PCDH7: variants seen among roughly 807,000 people sequenced by gnomAD.
PCDH7 encodes protocadherin 7, also known as protocadherin-7.
PCDH7 carries 17 observed loss-of-function variants against 58.9 expected under a neutral mutation model. The observed-to-expected ratio is 0.29, with a 90% confidence interval of 0.20 to 0.43. The LOEUF is 0.43. Ranked by LOEUF, PCDH7 falls within the 20% of genes least tolerant of loss-of-function variation. The pLI is 1.00. For missense variants in PCDH7, 1,274 were observed against 1,441.0 expected, an observed-to-expected ratio of 0.88 and a Z score of 1.88; for synonymous variants, 664 against 616.4, an observed-to-expected ratio of 1.08 and a Z score of -1.14.
At chr4:30,800,635 C>A (rs1725417772) in intron 1 of PCDH7, among the ~76,000 whole-genome samples, 1 of 152,158 alleles carries the variant, frequency 6.6e-6, no homozygotes, top group African/African-American at 2.4e-5. Context: ...GATACAAGAA[C>A]CTTTTGAGTT....
intron 1 of PCDH7, among the ~76,000 whole-genome samples, chr4:30,785,877 G>T (rs1199023431): frequency 6.6e-6 from 1 of 151,766 alleles, no homozygotes; most frequent in Non-Finnish European, 1.5e-5. Flanking sequence ...TTATTTTTTG[G>T]CAATATTCAG....
At chr4:30,928,631 G>A (rs577353671) in intron 2 of PCDH7, among the ~76,000 whole-genome samples, 256 of 152,218 alleles carry the variant, frequency 1.7e-3, no homozygotes, top group African/African-American at 6.0e-3. Context: ...AGTGGTGTGA[G>A]GTACAGAGGA....
At chr4:31,057,860 A>G (rs905607203) in intron 3 of PCDH7, among the ~76,000 whole-genome samples, 2 of 152,112 alleles carry the variant, frequency 1.3e-5, no homozygotes, top group East Asian at 1.9e-4. Flanking sequence ...ACTCTCTTAA[A>G]GAGGAGACAA....
At chr4:30,958,545 T>G (rs1748081581) in intron 3 of PCDH7, among the ~76,000 whole-genome samples, 1 of 151,978 alleles carries the variant, frequency 6.6e-6, no homozygotes, top group Non-Finnish European at 1.5e-5. Flanking sequence ...AACAATCCAC[T>G]TTTAGTTTTT....
chr4:31,135,872 A>G (rs1719541396), intron 3 of PCDH7, among the ~76,000 whole-genome samples: 1 of 152,196 alleles, frequency 6.6e-6, no homozygotes, highest in South Asian at 2.1e-4. Flanking sequence ...GATATTTTGA[A>G]GACTGAATTT....
At chr4:30,873,637 T>C (rs1257780477) in intron 1 of PCDH7, among the ~76,000 whole-genome samples, 1 of 152,010 alleles carries the variant, frequency 6.6e-6, no homozygotes, top group Non-Finnish European at 1.5e-5. Context: ...TTTTGCAGTC[T>C]GATATTCATG....
rs148706927 is a variant in PCDH7 at position 31,016,425 on chromosome 4, C to T, written c.*7+66210C>T. On this transcript the variant is annotated intron_variant, in intron 3 of 3. Coordinates refer to the PCDH7 transcript ENST00000509759. Reference sequence around the variant, plus strand: ...TTTTTTTTTTTTTTGCAGAACATCACTATTGCTTTTATTAGACAGGAGAGG... The same window carrying T: ...TTTTTTTTTTTTTTGCAGAACATCATTATTGCTTTTATTAGACAGGAGAGG... Among the ~76,000 whole-genome samples the T allele has an allele frequency of 1.1e-3, 155 of 143,374 alleles. 3 individuals are homozygous for T. In the East Asian group the frequency reaches 0.03, roughly 28 times the overall value. 94.1% of individuals were successfully genotyped at this position (143,374 alleles called of 152,430 possible).
At chr4:30,948,498 A>T (rs1375656025) in intron 2 of PCDH7, among the ~76,000 whole-genome samples, 1 of 152,116 alleles carries the variant, frequency 6.6e-6, no homozygotes, top group Non-Finnish European at 1.5e-5. Flanking sequence ...ATTTTACTGA[A>T]ATGCAGAGGT....
At chr4:30,931,823 CTTT>C (rs59504939) in intron 2 of PCDH7, among the ~76,000 whole-genome samples, 75,860 of 140,130 alleles carry the variant, frequency 0.54, 20,387 homozygotes, top group East Asian at 0.78. Context: ...TTTTTCAGGA[CTTT>C]TTTTTTTTTT....
At chr4:30,994,714 T>C (rs1159670788) in intron 3 of PCDH7, among the ~76,000 whole-genome samples, 1 of 152,208 alleles carries the variant, frequency 6.6e-6, no homozygotes, top group African/African-American at 2.4e-5. Flanking sequence ...TCAAAGCATA[T>C]AAACTTTGAA....
intron 3 of PCDH7, among the ~76,000 whole-genome samples, chr4:30,995,045 G>T (rs974130871): frequency 6.6e-6 from 1 of 152,092 alleles, no homozygotes; most frequent in Non-Finnish European, 1.5e-5. Context: ...ACAATATTTG[G>T]ATATATTAGG....
chr4:30,915,864 G>A (rs1742404610), intron 1 of PCDH7, among the ~76,000 whole-genome samples: 2 of 152,034 alleles, frequency 1.3e-5, no homozygotes, highest in Non-Finnish European at 2.9e-5. Context: ...GCAATATGGA[G>A]TATGGAATCC....
chr4:30,788,415 A>G (rs1010748382), intron 1 of PCDH7, among the ~76,000 whole-genome samples: 28 of 152,070 alleles, frequency 1.8e-4, no homozygotes, highest in African/African-American at 5.8e-4. Context: ...CTATGTGACA[A>G]TCAACTGCAG....
At chr4:30,838,313 CA>C (rs1361445644) in intron 1 of PCDH7, among the ~76,000 whole-genome samples, 1 of 151,920 alleles carries the variant, frequency 6.6e-6, no homozygotes, top group East Asian at 1.9e-4. Flanking sequence ...ATTTGATATA[CA>C]TTTTTTTTTT....
intron 3 of PCDH7, among the ~76,000 whole-genome samples, chr4:31,013,592 T>TAC (rs138674335): frequency 0.04 from 5,889 of 146,246 alleles, 134 homozygotes; most frequent in African/African-American, 0.044. Context: ...ATATATTTTA[T>TAC]ACACACACAC....
chr4:30,795,608 A>G (rs914623226), intron 1 of PCDH7, among the ~76,000 whole-genome samples: 1 of 152,230 alleles, frequency 6.6e-6, no homozygotes, highest in Admixed American at 6.5e-5. Flanking sequence ...GTCTTACACC[A>G]GTCACTAACT....
At chr4:30,730,597 A>G (rs926709867) in intron 1 of PCDH7, among the ~76,000 whole-genome samples, 2 of 151,892 alleles carry the variant, frequency 1.3e-5, no homozygotes, top group African/African-American at 4.8e-5. Context: ...CCCACCCCCC[A>G]AGTGTATTTA....
At chr4:30,817,407 A>T (rs139768346) in intron 1 of PCDH7, among the ~76,000 whole-genome samples, 141 of 152,298 alleles carry the variant, frequency 9.3e-4, no homozygotes, top group Admixed American at 2.0e-3. Context: ...TAGTTTAATT[A>T]TTAGTTGGTC....
At chr4:30,970,545 G>A (rs1034488259) in intron 3 of PCDH7, among the ~76,000 whole-genome samples, 2 of 152,016 alleles carry the variant, frequency 1.3e-5, no homozygotes, top group East Asian at 1.9e-4. Flanking sequence ...CCCCCGCCTC[G>A]GCCTCCCAAA....
Sources: allele counts gnomAD v4.1 joint callset (sites outside exome capture counted in the v4.1 genomes callset), GRCh38; gene constraint gnomAD v4.1.1; transcripts MANE v1.5; gene names NCBI Gene and HGNC (gene_info 2026-07-23, HGNC 2026-07-21).